The following CASP8 variants were observed in gnomAD, a reference collection of about 807,000 sequenced individuals.
CASP8 encodes the protein caspase-8.
CASP8 carries 24 observed loss-of-function variants against 46.3 expected under a neutral mutation model. That is an observed-to-expected ratio of 0.52 (90% confidence interval 0.38 to 0.73). CASP8 has a LOEUF of 0.73. Ranked by LOEUF, CASP8 falls within the 30% of genes least tolerant of loss-of-function variation. The pLI is 0.00. For synonymous variants in CASP8, 188 were observed against 200.4 expected (o/e 0.94, Z 0.52); for missense variants, 460 against 559.0 (o/e 0.82, Z 1.79).
chr2:201,233,495 G>T (rs1353468986), exon 1 of CASP8: 2 of 152,258 alleles, frequency 1.3e-5, no homozygotes, highest in Non-Finnish European at 2.9e-5. Context: ...TGGTCTGAAG[G>T]CTGGTTGTTC....
upstream of CASP8, among the ~76,000 whole-genome samples, chr2:201,256,217 T>G (rs562898156): frequency 2.0e-5 from 3 of 152,356 alleles, no homozygotes; most frequent in East Asian, 5.8e-4. Flanking sequence ...CAGATTGAGA[T>G]TCATGGCTAT....
At chr2:201,276,275 C>T (rs559469933) in intron 6 of CASP8, among the ~76,000 whole-genome samples, 1 of 152,310 alleles carries the variant, frequency 6.6e-6, no homozygotes, top group Non-Finnish European at 1.5e-5. Flanking sequence ...TCCCAGCAGC[C>T]ACCGTGGTCC....
At position 201,272,990 on chromosome 2, in the gene CASP8, G is replaced by GT. The variant is rs1203395443; in HGVS notation, c.595+49dup. 1 of 1,486,010 alleles carries GT rather than the reference G, an allele frequency of 6.7e-7. No homozygotes were observed. The highest frequency in any genetic ancestry group is 1.1e-5 in the South Asian group (1 of 88,424). 92.1% of individuals were successfully genotyped at this position (1,486,010 alleles called of 1,614,324 possible). On this transcript the variant is annotated intron_variant, in intron 5 of 8. Coordinates refer to ENST00000673742, the MANE Select transcript of CASP8 (RefSeq NM_001372051.1). The surrounding 1 kb of genome is among the most constrained non-coding windows in gnomAD (Gnocchi z 4.4). Reference sequence around the variant, plus strand: ...CAAGATTTAGTTAATTTACTATCTGGTACCTGCATGTGTCCTCCCCACAGC... The same window carrying GT: ...CAAGATTTAGTTAATTTACTATCTGGTTACCTGCATGTGTCCTCCCCACAGC...
At position 201,252,201 on chromosome 2, in the gene CASP8, T is replaced by C. The variant is rs531879371; in HGVS notation, c.-26-14260T>C. Reference sequence around the variant, plus strand: ...TTCAGATCTCTTGCCCACTTTTCAATTGGGTTGTTTGTTTTGTTATTGTTG... The same window carrying C: ...TTCAGATCTCTTGCCCACTTTTCAACTGGGTTGTTTGTTTTGTTATTGTTG... On this transcript the variant is annotated intron_variant, in intron 2 of 6. Transcript: ENST00000264274. 2.6e-5 allele frequency among the ~76,000 whole-genome samples: 4 copies of C among 152,332 alleles called. No homozygotes were observed. The East Asian group carries it at 5.8e-4, about 22-fold the overall frequency.
In CASP8 at chr2:201,276,871, C is replaced by T. The variant is rs776654685; in HGVS notation, c.705C>T (p.Tyr235=). Residue 235 remains tyrosine, a synonymous_variant, in exon 7 of 9, where the codon TAC becomes TAT. Coordinates refer to ENST00000673742, the MANE Select transcript of CASP8 (RefSeq NM_001372051.1). ...VYQMKSKPRG[Y]CLIINNHNFA... ...AAATGAAAAGCAAACCTCGGGGATACTGTCTGATCATCAACAATCACAATT... is the reference window on the plus strand; with the variant it reads ...AAATGAAAAGCAAACCTCGGGGATATTGTCTGATCATCAACAATCACAATT... 8 of 1,613,990 alleles carry T rather than the reference C, an allele frequency of 5.0e-6. No homozygotes were observed. The highest frequency in any genetic ancestry group is 6.8e-6 in the Non-Finnish European group (8 of 1,179,888).
rs1948252170 is a variant in CASP8, at chr2:201,271,622, G to C, written c.411+1G>C. On this transcript the variant is annotated splice_donor_variant, in intron 3 of 8. Transcript: ENST00000673742. LOFTEE classifies it high-confidence loss of function. ...CAAATGCAAACTGGATGATGACATG[G>C]TAAGACCTGGTATCTTACTGAGATT... 6.6e-7 allele frequency: 1 copy of C among 1,519,622 alleles called. No individual in the cohort carries two copies. The highest frequency in any genetic ancestry group is 9.1e-7 in the Non-Finnish European group (1 of 1,093,964). The allele number at this position is 1,519,622 out of a possible 1,614,324, so 94.1% of individuals were successfully genotyped here.
At chr2:201,259,730 A>G (rs1164737303), upstream of CASP8, among the ~76,000 whole-genome samples, 1 of 152,132 alleles carries the variant, frequency 6.6e-6, no homozygotes, top group African/African-American at 2.4e-5. Flanking sequence ...CTAGAGCCCA[A>G]CATGGTGAGG....
At position 201,266,542 on chromosome 2, in the gene CASP8, T is replaced by C. The variant is rs1477942244; in HGVS notation, c.56T>C (p.Leu19Pro). The part of the protein sequence containing the change: ...DIGEQLDSED[L>P]ASLKFLSLDY... ...GGGGAACAACTGGACAGTGAAGATC[T>C]GGCCTCCCTCAAGTTCCTGAGCCTG... Residue 19 changes from leucine (L) to proline (P), a missense_variant, in exon 2 of 9, where the codon CTG (leucine) becomes CCG (proline). Transcript: ENST00000673742. The surrounding 1 kb of genome is among the most constrained non-coding windows in gnomAD (Gnocchi z 5.7). 5 of 1,614,076 alleles carry C rather than the reference T, an allele frequency of 3.1e-6. No homozygotes were observed. In the African/African-American group the frequency reaches 6.7e-5, roughly 22 times the overall value.
intron 2 of CASP8, among the ~76,000 whole-genome samples, chr2:201,251,410 A>G (rs544057415): frequency 6.6e-6 from 1 of 151,552 alleles, no homozygotes; most frequent in South Asian, 2.1e-4. Flanking sequence ...TGGCTAACAC[A>G]GTGAAACCTC....
At chr2:201,245,018 G>A (rs2124939005) in intron 2 of CASP8, among the ~76,000 whole-genome samples, 1 of 152,278 alleles carries the variant, frequency 6.6e-6, no homozygotes, top group South Asian at 2.1e-4. Flanking sequence ...ACTTAACCCT[G>A]TCCTTCAATT....
intron 2 of CASP8, among the ~76,000 whole-genome samples, chr2:201,254,858 G>A: frequency 6.6e-6 from 1 of 152,104 alleles, no homozygotes; most frequent in East Asian, 1.9e-4. Context: ...TTCTGTGCTG[G>A]GCAGGAGCCA....
intron 7 of CASP8, chr2:201,277,197 C>T (rs1475331048): frequency 1.7e-5 from 6 of 362,690 alleles, no homozygotes; most frequent in South Asian, 1.4e-4. Context: ...TATAAAATAT[C>T]AAATCTTACT....
At chr2:201,286,393 C>G (rs923708909) in intron 8 of CASP8, 66 bp from the exon 9 acceptor site, 1 of 1,567,594 alleles carries the variant, frequency 6.4e-7, no homozygotes, top group Non-Finnish European at 8.8e-7. Context: ...CTGAGCACAG[C>G]AGAGGAGACA....
Position 201,266,836 on chromosome 2 carries a change from T to C in CASP8, c.305+45T>C, listed in dbSNP as rs1454382888. 3 of 1,498,884 alleles carry C rather than the reference T, an allele frequency of 2.0e-6. No homozygotes were observed. Among genetic ancestry groups the C allele is most frequent in the East Asian group, 2.3e-5 (1 of 44,204 alleles). The allele number at this position is 1,498,884 out of a possible 1,614,324, so 92.8% of individuals were successfully genotyped here. A position where few individuals can be genotyped will look rare whatever the true frequency, so the allele number is the denominator to read the frequency against. On this transcript the variant is annotated intron_variant, in intron 2 of 8. Transcript: ENST00000673742. This position sits in a 1 kb window ranked among gnomAD's most constrained non-coding sequence, Gnocchi z 5.7. ...GTGGGACTGGGAGGTGTGGGTTGAA[T>C]GGACAGCCTCTGAGCTGATTGGGGC...
In CASP8 at chr2:201,238,075, G is replaced by A. The variant is rs184542517; in HGVS notation, c.-27+3963G>A. On this transcript the variant is annotated intron_variant, in intron 2 of 6. Transcript: ENST00000264274. ...TCAGGGTAGACTTCCTGGAGGAAGTGGACAGTGTTGTGTGGATTCACACTT... is the reference window on the plus strand; with the variant it reads ...TCAGGGTAGACTTCCTGGAGGAAGTAGACAGTGTTGTGTGGATTCACACTT... Among the ~76,000 whole-genome samples the A allele has an allele frequency of 3.9e-5, 6 of 152,338 alleles. No individual in the cohort carries two copies. In the East Asian group the frequency reaches 1.2e-3, roughly 29 times the overall value.
intron 6 of CASP8, 105 bp from the exon 7 acceptor site, chr2:201,276,722 G>A (rs2125315900): frequency 7.0e-7 from 1 of 1,436,470 alleles, no homozygotes; most frequent in African/African-American, 1.4e-5. Context: ...CCCCGAGTTG[G>A]GGTGGTGCAA....
At chr2:201,273,026 A>G (rs1948379335) in intron 5 of CASP8, 84 bp downstream of exon 5, 1 of 1,116,820 alleles carries the variant, frequency 9.0e-7, no homozygotes, top group South Asian at 1.2e-5. Context: ...CTTCTACCAC[A>G]TGCACATCTT....
intron 2 of CASP8, among the ~76,000 whole-genome samples, chr2:201,234,659 A>G (rs546632553): frequency 4.1e-4 from 62 of 151,426 alleles, no homozygotes; most frequent in Non-Finnish European, 8.4e-4. Context: ...GGGTCTCACC[A>G]TGTTGGCCAG....
chr2:201,281,591 T>TATC (rs201358383), intron 7 of CASP8, among the ~76,000 whole-genome samples: 8,576 of 146,776 alleles, frequency 0.058, 676 homozygotes, highest in African/African-American at 0.18. Context: ...CTTCTAGTTC[T>TATC]ATCTTATTAA....
Sources: gnomAD v4.1 joint callset for allele counts (sites outside exome capture counted in the v4.1 genomes callset) on GRCh38, gnomAD v4.1.1 for gene constraint, Gnocchi (gnomAD v3.1) non-coding constraint, MANE v1.5 for transcripts, NCBI Gene and HGNC (gene_info 2026-07-23, HGNC 2026-07-21) for gene names.